Variants in GSTA5 observed in about 807,000 individuals in gnomAD.
The protein encoded by GSTA5 is glutathione S-transferase alpha 5.
In GSTA5, 25 loss-of-function variants were observed where a neutral mutation model predicts 21.8. The observed-to-expected ratio is 1.14, with a 90% CI of 0.83 to 1.60. GSTA5 has a LOEUF of 1.60. Ranked by LOEUF, GSTA5 falls within the 40% of genes most tolerant of loss-of-function variation. The probability of loss-of-function intolerance (pLI) is 0.00; values close to 1 mark genes in which losing one functional copy is unlikely to be tolerated. For synonymous variants in GSTA5, 102 were observed against 89.5 expected (o/e 1.14, Z -0.78); for missense variants, 330 against 259.2 (o/e 1.27, Z -1.88).
chr6:52,831,728 G>T, exon 6 of GSTA5: 2 of 1,170,096 alleles, frequency 1.7e-6, no homozygotes, highest in Non-Finnish European at 2.4e-6. Context: ...TAATTAGCAT[G>T]TAATTGGAAA....
the GSTA5 span, chr6:52,846,089 G>A: frequency 6.2e-6 from 1 of 160,428 alleles, no homozygotes; most frequent in Non-Finnish European, 1.4e-5. Context: ...GTCGTGGCTG[G>A]GCAACTGAAT....
chr6:52,837,364 G>A (rs969433817), intron 2 of GSTA5, among the ~76,000 whole-genome samples, 194 bp downstream of exon 2: 3 of 152,194 alleles, frequency 2.0e-5, no homozygotes, highest in African/African-American at 7.2e-5. Flanking sequence ...ACTCTGAGAG[G>A]TCTGGTCCTT....
exon 5 of GSTA5, chr6:52,832,918 G>T (rs1458462262): frequency 1.9e-6 from 3 of 1,614,038 alleles, no homozygotes; most frequent in African/African-American, 1.3e-5. Flanking sequence ...TAGTAGAAAA[G>T]TTCCACCAGG....
intron 4 of GSTA5, 99 bp from the exon 5 acceptor site, chr6:52,833,089 T>A: frequency 7.5e-7 from 1 of 1,339,284 alleles, no homozygotes; most frequent in South Asian, 1.2e-5. Context: ...CCCACCTCTG[T>A]TGCCTTATTG....
Position 52,837,303 on chromosome 6 carries a change from A to G in GSTA5, c.139+255T>C, listed in dbSNP as rs1006880261. On this transcript the variant is annotated intron_variant, in intron 2 of 5. Coordinates refer to ENST00000370989, the Ensembl canonical transcript of GSTA5. ...CTCACTGACGGTCCCCCAAGCATGAAAACAGAAAAAGGGCTTTCCCCGGGG... is the reference window on the plus strand; with the variant it reads ...CTCACTGACGGTCCCCCAAGCATGAGAACAGAAAAAGGGCTTTCCCCGGGG... Among the ~76,000 whole-genome samples the G allele has an allele frequency of 2.7e-4, 41 of 152,276 alleles. No homozygotes were observed. The Middle Eastern group carries it at 0.01, about 38-fold the overall frequency.
At position 52,840,720 on chromosome 6, in the gene GSTA5, A is replaced by G; in HGVS notation, c.87+7T>C. 1.2e-6 allele frequency: 2 copies of G among 1,613,272 alleles called. No homozygotes were observed. The highest frequency in any genetic ancestry group is 2.2e-5 in the South Asian group (2 of 91,032). On this transcript the variant is annotated splice_region_variant and intron_variant, in intron 1 of 5. Coordinates refer to ENST00000370989, the Ensembl canonical transcript of GSTA5. ...TCCAACTTAAGATGACCTTACTCAGAACCTACCTCTACTCCAGCTGCAGCC... is the reference window on the plus strand; with the variant it reads ...TCCAACTTAAGATGACCTTACTCAGGACCTACCTCTACTCCAGCTGCAGCC...
chr6:52,833,451 C>T (rs1185139709), intron 4 of GSTA5, among the ~76,000 whole-genome samples: 1 of 152,158 alleles, frequency 6.6e-6, no homozygotes, highest in Admixed American at 6.5e-5. Context: ...CCTCATTTGT[C>T]CTTGTCTGCC....
intron 1 of GSTA5, among the ~76,000 whole-genome samples, chr6:52,838,934 G>T (rs77915683): frequency 6.6e-6 from 1 of 152,140 alleles, no homozygotes; most frequent in Non-Finnish European, 1.5e-5. Flanking sequence ...AAATAGTAGC[G>T]GTGTTTCCAG....
exon 3 of GSTA5, chr6:52,836,341 G>T: frequency 6.2e-7 from 1 of 1,613,348 alleles, no homozygotes; most frequent in Non-Finnish European, 8.5e-7. Context: ...CTCAACCATT[G>T]GTACTTGCTG....
intron 1 of GSTA5, among the ~76,000 whole-genome samples, chr6:52,837,962 G>A (rs1283373582): frequency 1.3e-5 from 2 of 152,212 alleles, no homozygotes; most frequent in Non-Finnish European, 2.9e-5. Flanking sequence ...CTCCAGGAGA[G>A]ATCAGACCAC....
chr6:52,842,355 G>C (rs1461352305), upstream of GSTA5, among the ~76,000 whole-genome samples: 1 of 150,520 alleles, frequency 6.6e-6, no homozygotes, highest in Non-Finnish European at 1.5e-5. Context: ...AAGTTTTGTG[G>C]TTGTTGAGTT....
Position 52,831,792 on chromosome 6 carries a change from T to G in GSTA5, c.*56A>C, listed in dbSNP as rs201824944. 2.8e-4 allele frequency: 456 copies of G among 1,602,052 alleles called. 4 individuals carry two copies. The Middle Eastern group carries it at 9.6e-3, about 34-fold the overall frequency. On this transcript the variant is annotated 3_prime_UTR_variant, in exon 6 of 6. Coordinates refer to ENST00000370989, the Ensembl canonical transcript of GSTA5. The stretch of plus-strand genomic sequence containing the variant: ...TCCACACTTAGGTAAAGCACTTCAT[T>G]GTTGCAAACTGTAGAATATTGGTCT...
rs112484593 is a variant in GSTA5 at position 52,837,129 on chromosome 6, G to T, written c.139+429C>A. Among the ~76,000 whole-genome samples the T allele has an allele frequency of 6.5e-3, 996 of 152,220 alleles. 12 individuals carry two copies. Among genetic ancestry groups the T allele is most frequent in the African/African-American group, 0.023 (959 of 41,506 alleles). ...TTTCTGCTCTTCAAAGCCTGCAATAGTGCCACAGTGTTACTTTGTCACGCC... is the reference window on the plus strand; with the variant it reads ...TTTCTGCTCTTCAAAGCCTGCAATATTGCCACAGTGTTACTTTGTCACGCC... On this transcript the variant is annotated intron_variant, in intron 2 of 5. Coordinates refer to ENST00000370989, the Ensembl canonical transcript of GSTA5.
chr6:52,845,512 T>G (rs1426266808), upstream of GSTA5, among the ~76,000 whole-genome samples: 1 of 152,224 alleles, frequency 6.6e-6, no homozygotes, highest in Non-Finnish European at 1.5e-5. Flanking sequence ...TCCTGTAGAT[T>G]GGCCGTGAGT....
At chr6:52,837,661 T>C in intron 1 of GSTA5, 52 bp from the exon 2 acceptor site, 1 of 1,313,016 alleles carries the variant, frequency 7.6e-7, no homozygotes, top group Non-Finnish European at 1.1e-6. Flanking sequence ...TATTATAGAC[T>C]TGTGATGTTG....
upstream of GSTA5, among the ~76,000 whole-genome samples, chr6:52,845,059 C>G (rs1487891883): frequency 6.6e-6 from 1 of 152,008 alleles, no homozygotes; most frequent in East Asian, 1.9e-4. Context: ...CCATGGAACT[C>G]TAGTAGGAAT....
At chr6:52,835,920 G>C (rs999278280) in intron 3 of GSTA5, among the ~76,000 whole-genome samples, 1 of 152,182 alleles carries the variant, frequency 6.6e-6, no homozygotes, top group Non-Finnish European at 1.5e-5. Context: ...CTGGAGTCTA[G>C]CCTCTGAAGT....
intron 1 of GSTA5, among the ~76,000 whole-genome samples, chr6:52,838,365 C>A (rs1347798201): frequency 1.2e-4 from 18 of 152,142 alleles, no homozygotes; most frequent in Non-Finnish European, 2.1e-4. Context: ...CTTACGGCAC[C>A]TATGGTATAG....
intron 4 of GSTA5, among the ~76,000 whole-genome samples, chr6:52,833,533 T>C (rs1042608495): frequency 2.6e-5 from 4 of 152,220 alleles, no homozygotes; most frequent in Admixed American, 2.6e-4. Context: ...TCATGTTTCT[T>C]ACAGCATCGA....
Sources: allele counts gnomAD v4.1 joint callset (sites outside exome capture counted in the v4.1 genomes callset), GRCh38; gene constraint gnomAD v4.1.1; transcripts MANE v1.5; gene names NCBI Gene and HGNC (gene_info 2026-07-23, HGNC 2026-07-21).